BACH1: variants seen among roughly 807,000 people sequenced by gnomAD.
The protein encoded by BACH1 is transcription regulator protein BACH1.
Under a neutral mutation model 52.9 loss-of-function variants are expected in BACH1, and 35 were observed. The observed-to-expected ratio is 0.66, with a 90% CI of 0.51 to 0.88. The LOEUF (loss-of-function observed/expected upper bound fraction) is 0.88. BACH1 is among the 40% of genes least tolerant of loss of function. The probability of loss-of-function intolerance (pLI) is 0.00; values close to 1 mark genes in which losing one functional copy is unlikely to be tolerated. For missense variants in BACH1, 808 were observed against 872.6 expected, an observed-to-expected ratio of 0.93 and a Z score of 0.93; for synonymous variants, 321 against 319.6, an observed-to-expected ratio of 1.00 and a Z score of -0.05.
chr21:29,333,849 G>A (rs1443591326), intron 4 of BACH1, among the ~76,000 whole-genome samples: 1 of 152,198 alleles, frequency 6.6e-6, no homozygotes, highest in Non-Finnish European at 1.5e-5. Flanking sequence ...GGGACAAAGG[G>A]AGATGTGAGT....
At chr21:29,300,649 A>G (rs2088593274) in intron 1 of BACH1, among the ~76,000 whole-genome samples, 1 of 152,252 alleles carries the variant, frequency 6.6e-6, no homozygotes. Flanking sequence ...AAAAATATTT[A>G]CTACTCTTAC....
chr21:29,305,119 A>G (rs1388817720), intron 1 of BACH1: 1 of 151,244 alleles, frequency 6.6e-6, no homozygotes, highest in African/African-American at 2.4e-5. Flanking sequence ...CCTAGGTAAG[A>G]GTCATAATTC....
At chr21:29,314,339 A>G (rs2088761938) in intron 1 of BACH1, among the ~76,000 whole-genome samples, 1 of 152,172 alleles carries the variant, frequency 6.6e-6, no homozygotes. Context: ...GGGAAGTAAA[A>G]CACCATTTAT....
chr21:29,321,148 C>A, intron 1 of BACH1, 73 bp from the exon 2 acceptor site: 1 of 781,868 alleles, frequency 1.3e-6, no homozygotes. Context: ...GAGTATGTAT[C>A]TTAGCCTGTA....
intron 4 of BACH1, among the ~76,000 whole-genome samples, chr21:29,335,403 T>A (rs2089032927): frequency 6.6e-6 from 1 of 152,190 alleles, no homozygotes; most frequent in Non-Finnish European, 1.5e-5. Flanking sequence ...CCTATAAGTA[T>A]TTGCTGGTGA....
At chr21:29,352,031 A>G (rs2123488205) in intron 2 of BACH1, among the ~76,000 whole-genome samples, 1 of 151,582 alleles carries the variant, frequency 6.6e-6, no homozygotes, top group African/African-American at 2.4e-5. Flanking sequence ...AAGAACATAA[A>G]CCTGCAGTGA....
chr21:29,312,967 A>G (rs1281566537), intron 1 of BACH1, among the ~76,000 whole-genome samples: 1 of 152,240 alleles, frequency 6.6e-6, no homozygotes, highest in African/African-American at 2.4e-5. Context: ...TAATAAGCAC[A>G]TGTAAGGAGG....
At chr21:29,359,893 A>G (rs541078018) in intron 2 of BACH1, among the ~76,000 whole-genome samples, 1 of 152,228 alleles carries the variant, frequency 6.6e-6, no homozygotes, top group Admixed American at 6.5e-5. Context: ...TGCTCTGCTC[A>G]CCTGTGACAA....
chr21:29,350,384 T>C (rs374898621), downstream of BACH1, among the ~76,000 whole-genome samples: 2 of 152,200 alleles, frequency 1.3e-5, no homozygotes, highest in East Asian at 3.8e-4. Context: ...AATAAAGGAA[T>C]GGTAGATGGG....
intron 2 of BACH1, among the ~76,000 whole-genome samples, chr21:29,356,789 G>A (rs2123493684): frequency 6.6e-6 from 1 of 152,376 alleles, no homozygotes; most frequent in Middle Eastern, 3.4e-3. Context: ...TCAATTATAG[G>A]TTTTAAATTT....
At chr21:29,332,673 C>T (rs867788351) in intron 4 of BACH1, among the ~76,000 whole-genome samples, 6 of 152,220 alleles carry the variant, frequency 3.9e-5, no homozygotes, top group African/African-American at 1.4e-4. Flanking sequence ...TTGTGTGTCA[C>T]TAAGTGCACA....
intron 1 of BACH1, among the ~76,000 whole-genome samples, chr21:29,320,840 G>T (rs909965499): frequency 6.6e-6 from 1 of 152,008 alleles, no homozygotes; most frequent in African/African-American, 2.4e-5. Context: ...TACCTCTCTG[G>T]CTGTCTCTCC....
At chr21:29,299,211 G>C (rs2088574410) in intron 1 of BACH1, among the ~76,000 whole-genome samples, 1 of 151,734 alleles carries the variant, frequency 6.6e-6, no homozygotes, top group African/African-American at 2.4e-5. Flanking sequence ...TGCCGGAGCT[G>C]TTGTTTACCC....
At chr21:29,320,498 A>G (rs906744075) in intron 1 of BACH1, among the ~76,000 whole-genome samples, 1 of 152,218 alleles carries the variant, frequency 6.6e-6, no homozygotes, top group Non-Finnish European at 1.5e-5. Context: ...AAAAAAATAT[A>G]AAATTATAAC....
At chr21:29,354,932 G>A (rs1373996039) in intron 2 of BACH1, among the ~76,000 whole-genome samples, 2 of 152,204 alleles carry the variant, frequency 1.3e-5, no homozygotes, top group Non-Finnish European at 1.5e-5. Flanking sequence ...TGATGACTGG[G>A]AAAGAAGAAC....
At chr21:29,330,064 T>G (rs1256633719) in intron 4 of BACH1, among the ~76,000 whole-genome samples, 1 of 152,196 alleles carries the variant, frequency 6.6e-6, no homozygotes, top group Non-Finnish European at 1.5e-5. Context: ...CCAACCAGGA[T>G]CTTTCATCTA....
chr21:29,316,489 G>A (rs752314256), intron 1 of BACH1, among the ~76,000 whole-genome samples: 10 of 152,264 alleles, frequency 6.6e-5, no homozygotes, highest in Non-Finnish European at 1.5e-4. Flanking sequence ...TAACACAGGA[G>A]TCCAAATTTA....
chr21:29,326,265 A>T lies in BACH1; in HGVS notation c.441A>T (p.Ser147=), dbSNP rs115785965. The T allele has an allele frequency of 3.5e-4, 560 of 1,614,126 alleles. 5 individuals are homozygous for T. The African/African-American group carries it at 6.8e-3, about 19-fold the overall frequency. The part of the protein sequence containing the change: ...QQECPRKKCF[S]SHCQKTDLKL... ...AATGCCCAAGAAAAAAATGCTTTTC[A>T]TCACACTGTCAGAAAACAGACCTTA... Residue 147 remains serine (S), a synonymous_variant, in exon 3 of 5, where the codon TCA becomes TCT. Coordinates refer to ENST00000286800, the MANE Select transcript of BACH1 (RefSeq NM_001186.4).
At position 29,321,636 on chromosome 21, in the gene BACH1, G is replaced by A. The variant is rs1055594264; in HGVS notation, c.234+122G>A. ...GGCTATGGAGCATTTCCCAGGTTCT[G>A]TGCAACCCCTTTTTTTTTTTTTTTT... On this transcript the variant is annotated intron_variant, in intron 2 of 4. Transcript: ENST00000286800. The A allele has an allele frequency of 5.4e-5, 38 of 702,806 alleles. No individual in the cohort carries two copies. The East Asian group carries it at 1.2e-3, about 22-fold the overall frequency. The allele number at this position is 702,806 out of a possible 1,614,324, so 43.5% of individuals were successfully genotyped here. A position where few individuals can be genotyped will look rare whatever the true frequency, so the allele number is the denominator to read the frequency against.
Sources: allele counts gnomAD v4.1 joint callset (sites outside exome capture counted in the v4.1 genomes callset), GRCh38; gene constraint gnomAD v4.1.1; transcripts MANE v1.5; gene names NCBI Gene and HGNC (gene_info 2026-07-23, HGNC 2026-07-21).